CTU1: variants seen among roughly 807,000 people sequenced by gnomAD.
CTU1 encodes the protein cytoplasmic tRNA 2-thiolation protein 1.
CTU1 carries 15 observed loss-of-function variants against 12.9 expected under a neutral mutation model. That is an observed-to-expected ratio of 1.16 (90% CI 0.78 to 1.79). The LOEUF is 1.79. Ranked by LOEUF, CTU1 falls within the 40% of genes most tolerant of loss-of-function variation. The probability of loss-of-function intolerance (pLI) is 0.00; values close to 1 mark genes in which losing one functional copy is unlikely to be tolerated. For missense variants in CTU1, 553 were observed against 550.5 expected (o/e 1.00, Z -0.05); for synonymous variants, 295 against 275.6 (o/e 1.07, Z -0.70).
At position 51,098,640 on chromosome 19, in the gene CTU1, C is replaced by G; in HGVS notation, c.1008G>C (p.Pro336=). 1 of 1,310,990 alleles carries G rather than the reference C, an allele frequency of 7.6e-7. No individual in the cohort carries two copies. The highest frequency in any genetic ancestry group is 9.7e-7 in the Non-Finnish European group (1 of 1,029,264). 81.2% of individuals were successfully genotyped at this position (1,310,990 alleles called of 1,614,324 possible). A position where few individuals can be genotyped will look rare whatever the true frequency, so the allele number is the denominator to read the frequency against. ...CGGCCTTGGAGGCGGGGGGCCGGGC[C>G]GGATCCCCGGGCGTCCCCGGCGTCG... ...EEATPGTPGD[P]ARPPASKAVP... The change falls in exon 3 of 3, where the codon CCG becomes CCC. Residue 336 remains proline (P), a synonymous_variant. Transcript: ENST00000421832. This position sits in a 1 kb window ranked among gnomAD's most constrained non-coding sequence, Gnocchi z 4.3.
At position 51,098,880 on chromosome 19, in the gene CTU1, C is replaced by T. The variant is rs1490691995; in HGVS notation, c.768G>A (p.Glu256=). Residue 256 remains glutamate (E), a synonymous_variant, in exon 3 of 3, where the codon GAG becomes GAA. Transcript: ENST00000421832. This position sits in a 1 kb window ranked among gnomAD's most constrained non-coding sequence, Gnocchi z 4.3. The part of the protein sequence containing the change: ...GHARDLLKRL[E]AARPSAVLDL... ...CCAGCACCGCGGACGGCCGCGCCGC[C>T]TCCAGGCGCTTGAGCAGGTCCCGGG... The T allele has an allele frequency of 1.5e-5, 22 of 1,462,662 alleles. 1 individual carries two copies. Among genetic ancestry groups the T allele is most frequent in the Non-Finnish European group, 2.0e-5 (22 of 1,106,536 alleles). 90.6% of individuals were successfully genotyped at this position (1,462,662 alleles called of 1,614,324 possible). A position where few individuals can be genotyped will look rare whatever the true frequency, so the allele number is the denominator to read the frequency against.
chr19:51,100,080 CCA>C (rs1327419312), intron 2 of CTU1, among the ~76,000 whole-genome samples: 1 of 151,728 alleles, frequency 6.6e-6, no homozygotes, highest in Non-Finnish European at 1.5e-5. Flanking sequence ...CAGCCAGGAC[CCA>C]GAGACCGGGA....
Position 51,108,052 on chromosome 19 carries a change from GC to G in CTU1, c.-22+294del, listed in dbSNP as rs2091924639. ...CGGACCCCAGGGATGCCTCTGGATT[GC>G]AGCCTTGTCAAAAGGACAGATAATG... On this transcript the variant is annotated intron_variant, in intron 1 of 2. Coordinates refer to ENST00000421832, the MANE Select transcript of CTU1 (RefSeq NM_145232.4). This position sits in a 1 kb window ranked among gnomAD's most constrained non-coding sequence, Gnocchi z 4.5. Among the ~76,000 whole-genome samples, 1 of 152,132 alleles carries G rather than the reference GC, an allele frequency of 6.6e-6. No individual in the cohort carries two copies. The highest frequency in any genetic ancestry group is 1.5e-5 in the Non-Finnish European group (1 of 68,016).
intron 2 of CTU1, among the ~76,000 whole-genome samples, chr19:51,099,858 G>T (rs1469455557): frequency 6.6e-6 from 1 of 152,186 alleles, no homozygotes; most frequent in African/African-American, 2.4e-5. Context: ...AAGTTGAATT[G>T]GGGCTGCTAA....
rs1224496369 is a variant in CTU1, at chr19:51,098,571, C to A, written c.*30G>T. On this transcript the variant is annotated 3_prime_UTR_variant, in exon 3 of 3. Transcript: ENST00000421832. This position sits in a 1 kb window ranked among gnomAD's most constrained non-coding sequence, Gnocchi z 4.3. ...TTTACAGGCAGCCCCCACCCCGCGG[C>A]ATCAGATCCCGGCGGGAGGCCCGAA... 26 of 1,249,450 alleles carry A rather than the reference C, an allele frequency of 2.1e-5. No individual in the cohort carries two copies. Among genetic ancestry groups the A allele is most frequent in the Non-Finnish European group, 2.6e-5 (26 of 993,800 alleles). 77.4% of individuals were successfully genotyped at this position (1,249,450 alleles called of 1,614,324 possible).
At chr19:51,107,067 C>T (rs776019944) in intron 1 of CTU1, among the ~76,000 whole-genome samples, 1 of 152,200 alleles carries the variant, frequency 6.6e-6, no homozygotes, top group Non-Finnish European at 1.5e-5. Context: ...TCCTCACCCC[C>T]TAAATCTACA....
chr19:51,102,566 C>T (rs756108496), intron 2 of CTU1, among the ~76,000 whole-genome samples: 1 of 152,348 alleles, frequency 6.6e-6, no homozygotes, highest in South Asian at 2.1e-4. Context: ...CCTCCATCAC[C>T]GCAGCTGGCT....
intron 1 of CTU1, among the ~76,000 whole-genome samples, chr19:51,105,715 C>CT (rs2091919109): frequency 6.6e-6 from 1 of 152,212 alleles, no homozygotes; most frequent in Admixed American, 6.5e-5. Context: ...TCTTCTAACC[C>CT]AGCGTGCTTC....
chr19:51,103,969 G>A, intron 2 of CTU1, 93 bp downstream of exon 2: 10 of 1,257,128 alleles, frequency 8.0e-6, no homozygotes, highest in Non-Finnish European at 1.0e-5. Flanking sequence ...TCTGGAGCAT[G>A]CGCCTGAATC....
intron 1 of CTU1, among the ~76,000 whole-genome samples, chr19:51,105,781 G>A (rs570736742): frequency 2.6e-5 from 4 of 152,286 alleles, no homozygotes; most frequent in Non-Finnish European, 5.9e-5. Context: ...GAGCTTTGGG[G>A]TCCAGGACCC....
At chr19:51,102,129 G>C (rs957187373) in intron 2 of CTU1, among the ~76,000 whole-genome samples, 1 of 151,952 alleles carries the variant, frequency 6.6e-6, no homozygotes, top group African/African-American at 2.4e-5. Flanking sequence ...TCAGCCTCCC[G>C]TGTAGCTGGG....
At chr19:51,099,309 G>C (rs1027315327) in intron 2 of CTU1, among the ~76,000 whole-genome samples, 170 bp from the exon 3 acceptor site, 1 of 152,136 alleles carries the variant, frequency 6.6e-6, no homozygotes, top group Non-Finnish European at 1.5e-5. Flanking sequence ...AGACGGCGAC[G>C]GGGAGAGCAA....
chr19:51,098,718 G>A lies in CTU1; in HGVS notation c.930C>T (p.Arg310=), dbSNP rs2091898102. Residue 310 remains arginine (R), a synonymous_variant, in exon 3 of 3, where the codon CGC becomes CGT. Coordinates refer to ENST00000421832, the MANE Select transcript of CTU1 (RefSeq NM_145232.4). The surrounding 1 kb of genome is among the most constrained non-coding windows in gnomAD (Gnocchi z 4.3). ...QACALLDGLN[R]GRPRLAIGKG... is the part of the protein sequence containing the mutation. ...TGCCGATGGCCAGGCGGGGCCGGCC[G>A]CGGTTCAGGCCGTCCAGGAGCGCGC... 10 of 1,255,176 alleles carry A rather than the reference G, an allele frequency of 8.0e-6. No individual in the cohort carries two copies. Among genetic ancestry groups the A allele is most frequent in the Non-Finnish European group, 1.0e-5 (10 of 994,450 alleles). The allele number at this position is 1,255,176 out of a possible 1,614,324, so 77.8% of individuals were successfully genotyped here. A position where few individuals can be genotyped will look rare whatever the true frequency, so the allele number is the denominator to read the frequency against.
Position 51,104,051 on chromosome 19 carries a change from A to G in CTU1, c.508+11T>C, listed in dbSNP as rs372385601. The G allele has an allele frequency of 2.2e-4, 311 of 1,442,838 alleles. No homozygotes were observed. Among genetic ancestry groups the G allele is most frequent in the Non-Finnish European group, 2.7e-4 (305 of 1,110,248 alleles). The allele number at this position is 1,442,838 out of a possible 1,614,324, so 89.4% of individuals were successfully genotyped here. A position where few individuals can be genotyped will look rare whatever the true frequency, so the allele number is the denominator to read the frequency against. The stretch of plus-strand genomic sequence containing the variant: ...CGGAGAGTGCCGCTCTGCGGCCCGT[A>G]CTACGCTCACCTGTCACGATGTGCG... On this transcript the variant is annotated intron_variant, in intron 2 of 2. Transcript: ENST00000421832.
chr19:51,108,271 A>C lies in CTU1; in HGVS notation c.-22+76T>G, dbSNP rs1290516163. Reference sequence around the variant, plus strand: ...TCACAGAGGCCTTACGCTCGAAGAGACCCTCAACCCTCCCACGGCACCGCA... The same window carrying C: ...TCACAGAGGCCTTACGCTCGAAGAGCCCCTCAACCCTCCCACGGCACCGCA... On this transcript the variant is annotated intron_variant, in intron 1 of 2. Coordinates refer to ENST00000421832, the MANE Select transcript of CTU1 (RefSeq NM_145232.4). The surrounding 1 kb of genome is among the most constrained non-coding windows in gnomAD (Gnocchi z 4.5). The C allele has an allele frequency of 6.6e-6, 1 of 151,934 alleles. No individual in the cohort carries two copies. Among genetic ancestry groups the C allele is most frequent in the Admixed American group, 6.6e-5 (1 of 15,230 alleles). 9.4% of individuals were successfully genotyped at this position (151,934 alleles called of 1,614,324 possible).
At chr19:51,102,893 C>T (rs946207933) in intron 2 of CTU1, among the ~76,000 whole-genome samples, 1 of 152,232 alleles carries the variant, frequency 6.6e-6, no homozygotes, top group African/African-American at 2.4e-5. Flanking sequence ...ACCCCACTCC[C>T]TCCACGTCAT....
chr19:51,102,282 T>C (rs1287985267), intron 2 of CTU1, among the ~76,000 whole-genome samples: 3 of 152,202 alleles, frequency 2.0e-5, no homozygotes, highest in Non-Finnish European at 4.4e-5. Context: ...GGATTACAGG[T>C]GTGAGCCACT....
intron 2 of CTU1, 92 bp from the exon 3 acceptor site, chr19:51,099,231 CAG>C (rs2091901454): frequency 2.5e-6 from 3 of 1,188,746 alleles, no homozygotes; most frequent in Admixed American, 5.3e-5. Context: ...CACCAGGACC[CAG>C]AGAGAGACTG....
At position 51,099,033 on chromosome 19, in the gene CTU1, G is replaced by GC; in HGVS notation, c.614dup (p.Ala206ArgfsTer265). On this transcript the variant is annotated frameshift_variant, in exon 3 of 3. Coordinates refer to ENST00000421832, the MANE Select transcript of CTU1 (RefSeq NM_145232.4). LOFTEE classifies it high-confidence loss of function. ...GCAGCGGGCGGCAGCGCGGCAGGGC[G>GC]CCCCCCTCGCCGGGAGAGCCCAGGC... 6.6e-7 allele frequency: 1 copy of GC among 1,508,464 alleles called. No homozygotes were observed. The highest frequency in any genetic ancestry group is 8.8e-7 in the Non-Finnish European group (1 of 1,132,226). 93.4% of individuals were successfully genotyped at this position (1,508,464 alleles called of 1,614,324 possible).
Sources: allele counts gnomAD v4.1 joint callset (sites outside exome capture counted in the v4.1 genomes callset), GRCh38; gene constraint gnomAD v4.1.1; non-coding constraint Gnocchi (gnomAD v3.1); transcripts MANE v1.5; gene names NCBI Gene and HGNC (gene_info 2026-07-23, HGNC 2026-07-21).